Variants in GALM observed in about 807,000 individuals in gnomAD.
GALM encodes aldose 1-epimerase.
A neutral mutation model predicts 37.4 loss-of-function variants in GALM; 43 were observed. The ratio of observed to expected loss-of-function variants is 1.15; its 90% confidence interval spans 0.90 to 1.48. GALM has a LOEUF of 1.48. Ranked by LOEUF, GALM falls within the 40% of genes most tolerant of loss-of-function variation. GALM has a pLI of 0.00. For synonymous variants in GALM, 199 were observed against 170.6 expected (o/e 1.17, Z -1.30); for missense variants, 456 against 419.1 (o/e 1.09, Z -0.77).
At chr2:38,708,388 T>C (rs1666083701) in intron 4 of GALM, among the ~76,000 whole-genome samples, 1 of 152,164 alleles carries the variant, frequency 6.6e-6, no homozygotes, top group African/African-American at 2.4e-5. Context: ...CACAGGGCCA[T>C]GGAATCTGTC....
chr2:38,673,049 T>C (rs553540230), intron 1 of GALM, among the ~76,000 whole-genome samples: 125 of 152,198 alleles, frequency 8.2e-4, no homozygotes, highest in African/African-American at 2.9e-3. Flanking sequence ...GCTATTATGA[T>C]AGTCAATGGG....
At chr2:38,728,674 G>C (rs1490755462) in intron 4 of GALM, among the ~76,000 whole-genome samples, 2 of 133,450 alleles carry the variant, frequency 1.5e-5, no homozygotes, top group Non-Finnish European at 3.3e-5. Flanking sequence ...GACAGAGCAA[G>C]ACTCCATCTC....
At chr2:38,719,492 T>G (rs1666333882) in intron 4 of GALM, among the ~76,000 whole-genome samples, 2 of 147,098 alleles carry the variant, frequency 1.4e-5, no homozygotes, top group African/African-American at 2.5e-5. Flanking sequence ...ATTAGGATCC[T>G]GGCTGGGTGC....
intron 4 of GALM, among the ~76,000 whole-genome samples, chr2:38,716,318 G>A (rs527416436): frequency 6.6e-6 from 1 of 152,330 alleles, no homozygotes; most frequent in African/African-American, 2.4e-5. Flanking sequence ...TCCAGAAGGA[G>A]GCCCTGGTGT....
At chr2:38,705,991 G>A (rs1296793077) in intron 4 of GALM, among the ~76,000 whole-genome samples, 3 of 151,972 alleles carry the variant, frequency 2.0e-5, no homozygotes, top group Admixed American at 6.6e-5. Context: ...GGGATTACAG[G>A]CGTGCACCAC....
intron 2 of GALM, among the ~76,000 whole-genome samples, chr2:38,680,548 T>C (rs1003565924): frequency 6.6e-6 from 1 of 152,082 alleles, no homozygotes; most frequent in Non-Finnish European, 1.5e-5. Flanking sequence ...ACAAATGCCT[T>C]ATTTGTTTTG....
chr2:38,684,634 C>T (rs1311457362), intron 3 of GALM, among the ~76,000 whole-genome samples: 1 of 152,114 alleles, frequency 6.6e-6, no homozygotes, highest in Non-Finnish European at 1.5e-5. Flanking sequence ...GGTAAAAACC[C>T]GTCTCCACTA....
chr2:38,724,722 C>A (rs994770188), intron 4 of GALM, among the ~76,000 whole-genome samples: 1 of 152,186 alleles, frequency 6.6e-6, no homozygotes, highest in Admixed American at 6.5e-5. Context: ...AAGTCTTACC[C>A]TCTGTGCCCT....
intron 1 of GALM, among the ~76,000 whole-genome samples, chr2:38,675,183 C>G (rs187208738): frequency 3.9e-5 from 6 of 151,994 alleles, no homozygotes; most frequent in Admixed American, 2.0e-4. Context: ...TTAACAACCA[C>G]CACCACAACA....
chr2:38,721,721 G>T (rs1025664297), intron 4 of GALM, among the ~76,000 whole-genome samples: 2 of 152,012 alleles, frequency 1.3e-5, no homozygotes, highest in East Asian at 1.9e-4. Flanking sequence ...TCACCAGGTT[G>T]CCCAGGTTGG....
chr2:38,676,044 G>C lies in GALM; in HGVS notation c.323G>C (p.Gly108Ala). The stretch of plus-strand genomic sequence containing the variant: ...AACAAGGAACCCAACAGTCTGCATG[G>C]AGGAGTCAGAGGGTTTGATAAAGTA... ...AINKEPNSLH[G>A]GVRGFDKVLW... The change falls in exon 2 of 7, where the codon GGA becomes GCA. Residue 108 changes from glycine (G) to alanine (A), a missense_variant. By Grantham distance (60) the Gly-to-Ala change is moderately conservative. Transcript: ENST00000272252. 1 of 1,614,086 alleles carries C rather than the reference G, an allele frequency of 6.2e-7. No individual in the cohort carries two copies. The highest frequency in any genetic ancestry group is 1.1e-5 in the South Asian group (1 of 91,084).
At chr2:38,720,414 TAAAAAAAAAAAAAA>T (rs34372976) in intron 4 of GALM, among the ~76,000 whole-genome samples, 3 of 92,850 alleles carry the variant, frequency 3.2e-5, no homozygotes, top group Admixed American at 1.3e-4. Flanking sequence ...ACTTCTATGT[TAAAAAAAAAAAAAA>T]AAAAAAAAAA....
intron 4 of GALM, among the ~76,000 whole-genome samples, chr2:38,698,736 C>T (rs555210867): frequency 1.4e-4 from 21 of 152,252 alleles, no homozygotes; most frequent in African/African-American, 4.6e-4. Context: ...GAGAACACTG[C>T]AGTGCCAGAT....
chr2:38,698,349 T>A, intron 4 of GALM: 6 of 1,300,930 alleles, frequency 4.6e-6, no homozygotes, highest in Non-Finnish European at 6.1e-6. Context: ...AGGTGCTTCT[T>A]TCCTGTCCCA....
At chr2:38,680,047 C>T in intron 2 of GALM, 1 of 455,548 alleles carries the variant, frequency 2.2e-6, no homozygotes, top group Non-Finnish European at 4.4e-6. Context: ...CAATGTCTTA[C>T]TCTGTCACCC....
At chr2:38,710,583 G>A (rs1163572535) in intron 4 of GALM, among the ~76,000 whole-genome samples, 2 of 152,028 alleles carry the variant, frequency 1.3e-5, no homozygotes, top group African/African-American at 4.8e-5. Context: ...TAAAAAATTT[G>A]TTGTAGAGGC....
intron 3 of GALM, among the ~76,000 whole-genome samples, chr2:38,683,390 C>A (rs1238135762): frequency 6.6e-6 from 1 of 152,062 alleles, no homozygotes; most frequent in Non-Finnish European, 1.5e-5. Flanking sequence ...TACTTGAGGC[C>A]AGAAATGTTT....
At chr2:38,725,704 TTC>T (rs1666472550) in intron 4 of GALM, among the ~76,000 whole-genome samples, 2 of 152,090 alleles carry the variant, frequency 1.3e-5, no homozygotes, top group Non-Finnish European at 2.9e-5. Context: ...TTCATTTCTT[TTC>T]TTTTTTTTGT....
chr2:38,692,167 C>G (rs1422703880), intron 4 of GALM, among the ~76,000 whole-genome samples: 2 of 152,158 alleles, frequency 1.3e-5, no homozygotes, highest in East Asian at 3.8e-4. Context: ...TCTCTCCTAC[C>G]TATCCATACT....
Sources: allele counts gnomAD v4.1 joint callset (sites outside exome capture counted in the v4.1 genomes callset), GRCh38; gene constraint gnomAD v4.1.1; transcripts MANE v1.5; gene names NCBI Gene and HGNC (gene_info 2026-07-23, HGNC 2026-07-21).